The following KLF12 variants were observed in gnomAD, a reference collection of about 807,000 sequenced individuals.
KLF12 encodes the protein KLF transcription factor 12, also known as Krueppel-like factor 12.
KLF12 carries 9 observed loss-of-function variants against 37.8 expected under a neutral mutation model. That is an observed-to-expected ratio of 0.24 (90% CI 0.14 to 0.42). KLF12 has a LOEUF of 0.42. Among genes scored for constraint, KLF12 ranks in the 10% least tolerant of loss-of-function variants. The pLI is 1.00. For missense variants in KLF12, 411 were observed against 516.0 expected, an observed-to-expected ratio of 0.80 and a Z score of 1.97; for synonymous variants, 208 against 202.1, an observed-to-expected ratio of 1.03 and a Z score of -0.25.
intron 5 of KLF12, among the ~76,000 whole-genome samples, chr13:73,766,848 A>G (rs578255512): frequency 1.3e-5 from 2 of 152,212 alleles, no homozygotes; most frequent in African/African-American, 2.4e-5. Flanking sequence ...TGTTTAATCC[A>G]TAATTACAAC....
chr13:73,830,659 T>C (rs916494160), intron 4 of KLF12, among the ~76,000 whole-genome samples: 2 of 152,154 alleles, frequency 1.3e-5, no homozygotes, highest in African/African-American at 4.8e-5. Context: ...GTGTCTTTAT[T>C]TTTGTAGTTT....
rs1350133673 is a variant in KLF12, at chr13:73,687,605, A to G, written c.*7885T>C. 6.6e-6 allele frequency: 1 copy of G among 152,176 alleles called. No homozygotes were observed. Among genetic ancestry groups the G allele is most frequent in the Admixed American group, 6.5e-5 (1 of 15,278 alleles). The allele number at this position is 152,176 out of a possible 1,614,324, so 9.4% of individuals were successfully genotyped here. The stretch of plus-strand genomic sequence containing the variant: ...CATATCTTTGGAGCATGAAATTAGC[A>G]GAAAGGGAAGATGTTGGTATGTCCC... On this transcript the variant is annotated 3_prime_UTR_variant, in exon 8 of 8. Coordinates refer to ENST00000377669, the MANE Select transcript of KLF12 (RefSeq NM_007249.5).
At chr13:73,875,085 C>T (rs1002606515) in intron 3 of KLF12, among the ~76,000 whole-genome samples, 1 of 151,316 alleles carries the variant, frequency 6.6e-6, no homozygotes, top group East Asian at 1.9e-4. Context: ...GTGAAAAGAA[C>T]GTAGTAGTTA....
chr13:74,145,291 T>A, the KLF12 span, among the ~76,000 whole-genome samples: 2,418 of 152,322 alleles, frequency 0.016, 40 homozygotes, highest in Middle Eastern at 0.034. Flanking sequence ...ATTATGTTAA[T>A]ATATGATGTA....
chr13:73,989,546 C>CCTTCACTTAAGGGGCA (rs1891911185), intron 2 of KLF12, among the ~76,000 whole-genome samples: 1 of 152,112 alleles, frequency 6.6e-6, no homozygotes, highest in Non-Finnish European at 1.5e-5. Context: ...AGACAGGAGC[C>CCTTCACTTAAGGGGCA]CTTCACTTAA....
chr13:74,134,535 A>G (rs976520157), upstream of KLF12, among the ~76,000 whole-genome samples: 1 of 96,072 alleles, frequency 1.0e-5, no homozygotes, highest in Non-Finnish European at 2.2e-5. Flanking sequence ...ACCCCGCCCC[A>G]CCCCGCCCCA....
At position 74,084,158 on chromosome 13, in the gene KLF12, G is replaced by A. The variant is rs771669783; in HGVS notation, c.-32+49581C>T. Among the ~76,000 whole-genome samples, 4 of 152,090 alleles carry A rather than the reference G, an allele frequency of 2.6e-5. No individual in the cohort carries two copies. The South Asian group carries it at 8.3e-4, about 32-fold the overall frequency. On this transcript the variant is annotated intron_variant, in intron 1 of 7. Transcript: ENST00000377669. Reference sequence around the variant, plus strand: ...GACTTGGATATTACGTCTCATAACCGAATGAACAGGGTGATGTAACAAATA... The same window carrying A: ...GACTTGGATATTACGTCTCATAACCAAATGAACAGGGTGATGTAACAAATA...
chr13:74,302,232 A>T, the KLF12 span, among the ~76,000 whole-genome samples: 2 of 152,210 alleles, frequency 1.3e-5, no homozygotes, highest in Non-Finnish European at 2.9e-5. Flanking sequence ...ATTTCTATGT[A>T]TATAGTCATA....
At chr13:73,964,027 CAATTT>C (rs1891104212) in intron 2 of KLF12, among the ~76,000 whole-genome samples, 1 of 152,178 alleles carries the variant, frequency 6.6e-6, no homozygotes. Context: ...TTTGTTTCTA[CAATTT>C]ATTACCAGTG....
intron 6 of KLF12, among the ~76,000 whole-genome samples, chr13:73,738,329 T>C (rs1366329815): frequency 6.6e-6 from 1 of 150,470 alleles, no homozygotes; most frequent in African/African-American, 2.4e-5. Context: ...TTTTTTTGTA[T>C]TTTTAGTAGA....
intron 2 of KLF12, among the ~76,000 whole-genome samples, chr13:73,972,788 G>A (rs1261406309): frequency 6.6e-6 from 1 of 150,652 alleles, no homozygotes; most frequent in East Asian, 2.0e-4. Flanking sequence ...CACACTCAAG[G>A]TTGTGTGTGT....
chr13:74,091,329 T>G (rs1875644860), intron 1 of KLF12, among the ~76,000 whole-genome samples: 1 of 152,220 alleles, frequency 6.6e-6, no homozygotes, highest in Non-Finnish European at 1.5e-5. Context: ...TTTTTAGATA[T>G]GACACCAAAA....
the KLF12 span, among the ~76,000 whole-genome samples, chr13:74,229,504 A>T: frequency 6.6e-6 from 1 of 152,220 alleles, no homozygotes; most frequent in African/African-American, 2.4e-5. Context: ...ACGGTGATGC[A>T]TGGTAACAAC....
At position 73,689,626 on chromosome 13, in the gene KLF12, C is replaced by T. The variant is rs1193885510; in HGVS notation, c.*5864G>A. On this transcript the variant is annotated 3_prime_UTR_variant, in exon 8 of 8. Coordinates refer to ENST00000377669, the MANE Select transcript of KLF12 (RefSeq NM_007249.5). Reference sequence around the variant, plus strand: ...GACTAACTGCAAAGATGGTTAAAGGCTAGGCTTACTAAGTGTCAGTGGTAC... The same window carrying T: ...GACTAACTGCAAAGATGGTTAAAGGTTAGGCTTACTAAGTGTCAGTGGTAC... 1 of 152,128 alleles carries T rather than the reference C, an allele frequency of 6.6e-6. No individual in the cohort carries two copies. Among genetic ancestry groups the T allele is most frequent in the African/African-American group, 2.4e-5 (1 of 41,438 alleles). 9.4% of individuals were successfully genotyped at this position (152,128 alleles called of 1,614,324 possible). A position where few individuals can be genotyped will look rare whatever the true frequency, so the allele number is the denominator to read the frequency against.
intron 3 of KLF12, among the ~76,000 whole-genome samples, chr13:73,880,229 C>T (rs117184879): frequency 0.018 from 2,733 of 152,282 alleles, 102 homozygotes; most frequent in Admixed American, 0.088. Context: ...ATACTTGCCA[C>T]CCCACTTAGA....
intron 7 of KLF12, among the ~76,000 whole-genome samples, chr13:73,711,491 C>T (rs909054391): frequency 6.6e-6 from 1 of 152,124 alleles, no homozygotes; most frequent in Admixed American, 6.6e-5. Flanking sequence ...ATCCTAGGGC[C>T]CTTAAAGAAT....
the KLF12 span, among the ~76,000 whole-genome samples, chr13:74,235,018 A>G: frequency 1.2e-3 from 176 of 152,332 alleles, no homozygotes; most frequent in African/African-American, 4.1e-3. Flanking sequence ...AATGTGACAT[A>G]ACACAGTCTG....
At chr13:73,835,583 A>G (rs190417785) in intron 4 of KLF12, among the ~76,000 whole-genome samples, 13 of 152,246 alleles carry the variant, frequency 8.5e-5, no homozygotes, top group Admixed American at 3.3e-4. Context: ...GGAGGTGCAG[A>G]AAGGGCAAGG....
the KLF12 span, among the ~76,000 whole-genome samples, chr13:74,241,768 TTCCCAA>T: frequency 6.6e-6 from 1 of 152,210 alleles, no homozygotes; most frequent in Admixed American, 6.5e-5. Context: ...CCCTGACCCC[TTCCCAA>T]GTGAGGCAAT....
Sources: gnomAD v4.1 joint callset for allele counts (sites outside exome capture counted in the v4.1 genomes callset) on GRCh38, gnomAD v4.1.1 for gene constraint, MANE v1.5 for transcripts, NCBI Gene and HGNC (gene_info 2026-07-23, HGNC 2026-07-21) for gene names.